ERICH3: variants seen among roughly 807,000 people sequenced by gnomAD.
ERICH3 encodes glutamate rich 3, also known as glutamate-rich protein 3.
A neutral mutation model predicts 131.1 loss-of-function variants in ERICH3; 126 were observed. The ratio of observed to expected loss-of-function variants is 0.96; its 90% CI spans 0.83 to 1.11. The LOEUF (loss-of-function observed/expected upper bound fraction) is 1.11, where lower values mean the gene tolerates loss of function less well. ERICH3 is among the 50% of genes most tolerant of loss of function. The probability of loss-of-function intolerance (pLI) is 0.00; values close to 1 mark genes in which losing one functional copy is unlikely to be tolerated. For missense variants in ERICH3, 2,050 were observed against 1,810.7 expected, an observed-to-expected ratio of 1.13 and a Z score of -2.40; for synonymous variants, 695 against 644.6, an observed-to-expected ratio of 1.08 and a Z score of -1.18.
chr1:74,591,026 A>C (rs1647572509), intron 11 of ERICH3, among the ~76,000 whole-genome samples: 1 of 152,132 alleles, frequency 6.6e-6, no homozygotes, highest in African/African-American at 2.4e-5. Flanking sequence ...ATGAAACTTA[A>C]ATTTTTGTCT....
At chr1:74,575,365 G>T (rs1462044828) in intron 13 of ERICH3, among the ~76,000 whole-genome samples, 5 of 152,144 alleles carry the variant, frequency 3.3e-5, no homozygotes, top group Non-Finnish European at 7.3e-5. Context: ...TCTATCAATA[G>T]GGCTGAGGTT....
chr1:74,571,425 C>A lies in ERICH3; in HGVS notation c.4285G>T (p.Ala1429Ser). 1 of 1,613,996 alleles carries A rather than the reference C, an allele frequency of 6.2e-7. No homozygotes were observed. Among genetic ancestry groups the A allele is most frequent in the Non-Finnish European group, 8.5e-7 (1 of 1,179,982 alleles). Reference protein sequence around the residue: ...EEMTVTYTTEAGVGTPGALER... With the variant: ...EEMTVTYTTESGVGTPGALER... ...AGGGCTCCTGGAGTGCCCACCCCAG[C>A]CTCTGTTGTATATGTCACTGTCATC... Residue 1429 changes from alanine (A) to serine (S), a missense_variant, in exon 14 of 15, where the codon GCT (alanine) becomes TCT (serine). Coordinates refer to ENST00000326665, the MANE Select transcript of ERICH3 (RefSeq NM_001002912.5).
At chr1:74,578,643 C>G (rs1647117532) in intron 12 of ERICH3, 1 of 151,808 alleles carries the variant, frequency 6.6e-6, no homozygotes, top group Admixed American at 6.6e-5. Flanking sequence ...TCCTTCCTTT[C>G]CTTTCCCTTC....
chr1:74,652,410 C>T (rs757272028), intron 1 of ERICH3, among the ~76,000 whole-genome samples: 4 of 152,110 alleles, frequency 2.6e-5, no homozygotes, highest in Non-Finnish European at 5.9e-5. Flanking sequence ...ACTTGATATG[C>T]GCTTGTAGCC....
chr1:74,642,745 A>T (rs1563291), intron 4 of ERICH3, among the ~76,000 whole-genome samples: 69,067 of 151,820 alleles, frequency 0.45, 16,284 homozygotes, highest in Non-Finnish European at 0.52. Flanking sequence ...CTTGGCCTCT[A>T]TCACAAGAAT....
At chr1:74,584,695 A>C (rs1215295320) in intron 12 of ERICH3, among the ~76,000 whole-genome samples, 1 of 152,134 alleles carries the variant, frequency 6.6e-6, no homozygotes, top group East Asian at 1.9e-4. Context: ...ATACCCCATC[A>C]CATGCTTATT....
chr1:74,589,954 G>T lies in ERICH3; in HGVS notation c.1853C>A (p.Ser618Ter). ...ATTTTCACTCAGTTCCTGAGAAGAT[G>T]ACCTTCTGGCACTTTCATCTGTGCT... ...DSSTDESARR[S>*]SSQELSENDK... The change falls in exon 12 of 15, where the codon TCA becomes TAA. Residue 618 changes from serine (S) to a stop codon, truncating the protein, a stop_gained. Coordinates refer to ENST00000326665, the MANE Select transcript of ERICH3 (RefSeq NM_001002912.5). LOFTEE classifies it high-confidence loss of function. 6.2e-7 allele frequency: 1 copy of T among 1,613,978 alleles called. No homozygotes were observed. Among genetic ancestry groups the T allele is most frequent in the South Asian group, 1.1e-5 (1 of 91,058 alleles).
intron 11 of ERICH3, among the ~76,000 whole-genome samples, chr1:74,590,339 T>A (rs945419084): frequency 6.6e-6 from 1 of 152,158 alleles, no homozygotes; most frequent in Non-Finnish European, 1.5e-5. Flanking sequence ...TTACATTTAT[T>A]GTGCACGTTA....
intron 11 of ERICH3, among the ~76,000 whole-genome samples, chr1:74,594,534 T>A (rs1335965719): frequency 6.6e-6 from 1 of 152,102 alleles, no homozygotes; most frequent in Non-Finnish European, 1.5e-5. Context: ...ACTTCCTATG[T>A]GCCAGGCAAT....
At chr1:74,666,942 C>G (rs564452064) in intron 1 of ERICH3, among the ~76,000 whole-genome samples, 4 of 152,238 alleles carry the variant, frequency 2.6e-5, no homozygotes, top group Admixed American at 1.3e-4. Context: ...GCAGTGCCTA[C>G]AGATTCAAAT....
chr1:74,620,763 C>CA lies in ERICH3; in HGVS notation c.970dup (p.Cys324LeufsTer9). 6.2e-7 allele frequency: 1 copy of CA among 1,609,358 alleles called. No individual in the cohort carries two copies. The highest frequency in any genetic ancestry group is 8.5e-7 in the Non-Finnish European group (1 of 1,178,608). On this transcript the variant is annotated frameshift_variant, in exon 8 of 15. Coordinates refer to ENST00000326665, the MANE Select transcript of ERICH3 (RefSeq NM_001002912.5). LOFTEE classifies it high-confidence loss of function. ...TTCAAGTAGTTTGCCTTTGTAGACA[C>CA]AAAGGTTTTCCCCACCACAGTGCTG...
chr1:74,650,037 C>A (rs1646519505), intron 1 of ERICH3, among the ~76,000 whole-genome samples: 2 of 152,078 alleles, frequency 1.3e-5, no homozygotes, highest in Admixed American at 1.3e-4. Context: ...GGTATCCCTA[C>A]TGATGATATT....
At chr1:74,650,399 A>C (rs77445567) in intron 1 of ERICH3, among the ~76,000 whole-genome samples, 3,707 of 152,220 alleles carry the variant, frequency 0.024, 177 homozygotes, top group African/African-American at 0.085. Context: ...ACTTACAAAA[A>C]CATGCACGCA....
At chr1:74,618,507 A>T (rs1649080185) in intron 8 of ERICH3, among the ~76,000 whole-genome samples, 1 of 152,208 alleles carries the variant, frequency 6.6e-6, no homozygotes, top group Non-Finnish European at 1.5e-5. Context: ...AAGGGATTCT[A>T]AGAAAGCCAG....
At chr1:74,602,252 A>C (rs1648172480) in intron 10 of ERICH3, among the ~76,000 whole-genome samples, 1 of 151,946 alleles carries the variant, frequency 6.6e-6, no homozygotes, top group Non-Finnish European at 1.5e-5. Context: ...CCCTGGCTTT[A>C]TTCTATCCCT....
intron 1 of ERICH3, among the ~76,000 whole-genome samples, chr1:74,653,643 T>G (rs957356398): frequency 2.6e-5 from 4 of 152,176 alleles, no homozygotes; most frequent in Non-Finnish European, 5.9e-5. Flanking sequence ...ATGAACAATA[T>G]CTAACTATTA....
chr1:74,653,053 C>T (rs1291776312), intron 1 of ERICH3, among the ~76,000 whole-genome samples: 3 of 152,044 alleles, frequency 2.0e-5, no homozygotes, highest in Admixed American at 2.0e-4. Flanking sequence ...GCTACCTTCC[C>T]AGCTGCGGCC....
rs757408267 is a variant in ERICH3, at chr1:74,620,807, A to G, written c.927T>C (p.Asp309=). 12 of 1,613,456 alleles carry G rather than the reference A, an allele frequency of 7.4e-6. No individual in the cohort carries two copies. In the African/African-American group the frequency reaches 1.6e-4, roughly 22 times the overall value. The change falls in exon 8 of 15, where the codon GAT becomes GAC. Residue 309 remains aspartate (D), a synonymous_variant. Transcript: ENST00000326665. ...AGTGCTGCTGATAAACTTTAATTTC[A>G]TCCCGGAAGTCAGGATTATCAGAAG... is the stretch of plus-strand genomic sequence containing the variant. The part of the protein sequence containing the change: ...HLSSDNPDFR[D]EIKVYQQHCG...
intron 9 of ERICH3, among the ~76,000 whole-genome samples, chr1:74,609,401 T>C (rs1221016285): frequency 6.6e-6 from 1 of 152,044 alleles, no homozygotes; most frequent in East Asian, 1.9e-4. Context: ...ATTTTGAATG[T>C]ATTGGAGGAA....
Sources: gnomAD v4.1 joint callset for allele counts (sites outside exome capture counted in the v4.1 genomes callset) on GRCh38, gnomAD v4.1.1 for gene constraint, MANE v1.5 for transcripts, NCBI Gene and HGNC (gene_info 2026-07-23, HGNC 2026-07-21) for gene names.